Variants in TBXAS1 observed in about 807,000 individuals in gnomAD.
TBXAS1 encodes thromboxane-A synthase.
A neutral mutation model predicts 60.7 loss-of-function variants in TBXAS1; 48 were observed. That is an observed-to-expected ratio of 0.79 (90% CI 0.63 to 1.01). The LOEUF (loss-of-function observed/expected upper bound fraction) is 1.01, where lower values mean the gene tolerates loss of function less well. Among genes scored for constraint, TBXAS1 ranks in the 50% least tolerant of loss-of-function variants. The probability of loss-of-function intolerance (pLI) is 0.00; values close to 1 mark genes in which losing one functional copy is unlikely to be tolerated. For missense variants in TBXAS1, 685 were observed against 686.3 expected (o/e 1.00, Z 0.02); for synonymous variants, 287 against 269.7 (o/e 1.06, Z -0.63).
upstream of TBXAS1, among the ~76,000 whole-genome samples, chr7:139,824,841 T>A (rs1288331480): frequency 6.8e-6 from 1 of 147,616 alleles, no homozygotes; most frequent in Non-Finnish European, 1.5e-5. Flanking sequence ...TTTTTTTTTT[T>A]TTTTTTGAGA....
chr7:139,910,071 A>G (rs923328982), intron 3 of TBXAS1, among the ~76,000 whole-genome samples: 1 of 152,112 alleles, frequency 6.6e-6, no homozygotes, highest in Non-Finnish European at 1.5e-5. Flanking sequence ...GGAAGCCTTC[A>G]GTCTCTTTTC....
intron 3 of TBXAS1, among the ~76,000 whole-genome samples, chr7:139,892,604 AAAC>A (rs765241109): frequency 3.3e-5 from 5 of 152,030 alleles, no homozygotes; most frequent in Non-Finnish European, 5.9e-5. Flanking sequence ...GAAACAAAAC[AAAC>A]AACAACAACA....
chr7:140,012,534 C>T (rs1025182996), intron 10 of TBXAS1, among the ~76,000 whole-genome samples: 2 of 151,752 alleles, frequency 1.3e-5, no homozygotes, highest in Non-Finnish European at 2.9e-5. Flanking sequence ...TCTCAGCTCA[C>T]TGCAACCTCC....
chr7:139,937,729 T>C (rs1807906699), intron 5 of TBXAS1, among the ~76,000 whole-genome samples: 1 of 152,214 alleles, frequency 6.6e-6, no homozygotes. Flanking sequence ...AGTAGCGTGC[T>C]CCAAGTCTCA....
At chr7:139,807,711 T>C (rs1331843239) in intron 4 of TBXAS1, among the ~76,000 whole-genome samples, 6 of 151,776 alleles carry the variant, frequency 4.0e-5, no homozygotes, top group African/African-American at 1.5e-4. Flanking sequence ...AAAGACAGGG[T>C]CTTGTTGTGT....
chr7:139,952,014 A>AAAGAAAGAAAGAAAC (rs1569518460), intron 5 of TBXAS1, among the ~76,000 whole-genome samples: 1 of 40,080 alleles, frequency 2.5e-5, no homozygotes, highest in East Asian at 5.4e-4. Context: ...AAGAAAGAAA[A>AAAGAAAGAAAGAAAC]AGAAAGGAAG....
intron 5 of TBXAS1, among the ~76,000 whole-genome samples, chr7:139,947,753 C>T (rs892722788): frequency 5.9e-5 from 9 of 152,034 alleles, no homozygotes; most frequent in African/African-American, 1.9e-4. Context: ...ATGTGAGAGG[C>T]GAGAGGAACA....
chr7:139,867,343 C>T (rs1801495224), intron 1 of TBXAS1, among the ~76,000 whole-genome samples: 1 of 152,146 alleles, frequency 6.6e-6, no homozygotes. Context: ...CCGGCTGGAC[C>T]CTTCTCCTGC....
intron 3 of TBXAS1, among the ~76,000 whole-genome samples, chr7:139,879,516 G>A (rs1214854084): frequency 6.6e-6 from 1 of 151,826 alleles, no homozygotes; most frequent in Non-Finnish European, 1.5e-5. Context: ...GCCCCAAGTT[G>A]GATTTATATT....
In TBXAS1 at chr7:139,807,249, C is replaced by G. The variant is rs115445941; in HGVS notation, c.-80+19823C>G. 3.3e-3 allele frequency among the ~76,000 whole-genome samples: 509 copies of G among 152,314 alleles called. 4 individuals are homozygous for G. Among genetic ancestry groups the G allele is most frequent in the African/African-American group, 0.012 (483 of 41,580 alleles). On this transcript the variant is annotated intron_variant, in intron 4 of 16. Transcript: ENST00000336425. Reference sequence around the variant, plus strand: ...GGATTCTGTTTCCTGCTCTGCCACCCAGGCTGGAGTGCAGTGGCACGATCA... The same window carrying G: ...GGATTCTGTTTCCTGCTCTGCCACCGAGGCTGGAGTGCAGTGGCACGATCA...
At chr7:139,980,270 A>G (rs1811870720) in intron 9 of TBXAS1, among the ~76,000 whole-genome samples, 1 of 152,130 alleles carries the variant, frequency 6.6e-6, no homozygotes, top group Admixed American at 6.5e-5. Flanking sequence ...AAGGGATGAA[A>G]CATCACCCCT....
At chr7:139,913,424 A>T in intron 4 of TBXAS1, 1 of 430,838 alleles carries the variant, frequency 2.3e-6, no homozygotes, top group East Asian at 3.9e-5. Context: ...TACTCCCAGG[A>T]GCCTGTCATA....
chr7:140,011,557 G>T (rs1261395526), intron 10 of TBXAS1, among the ~76,000 whole-genome samples: 1 of 152,110 alleles, frequency 6.6e-6, no homozygotes, highest in Non-Finnish European at 1.5e-5. Flanking sequence ...AGAAGCTATC[G>T]GTAGAGACAT....
chr7:139,791,550 A>G (rs1797381178), intron 4 of TBXAS1, among the ~76,000 whole-genome samples: 1 of 152,220 alleles, frequency 6.6e-6, no homozygotes, highest in African/African-American at 2.4e-5. Flanking sequence ...TCTGAGTTAT[A>G]CCCATTGGCC....
chr7:139,920,589 G>A (rs2284205), intron 4 of TBXAS1, among the ~76,000 whole-genome samples: 38,480 of 152,134 alleles, frequency 0.25, 6,540 homozygotes, highest in African/African-American at 0.49. Flanking sequence ...GCAGCCTAAC[G>A]TGAGCCTGTG....
At chr7:139,951,179 T>C (rs998217352) in intron 5 of TBXAS1, among the ~76,000 whole-genome samples, 1 of 152,122 alleles carries the variant, frequency 6.6e-6, no homozygotes, top group Non-Finnish European at 1.5e-5. Context: ...GAAATAGCAA[T>C]TGTACCTGGT....
At chr7:139,895,602 G>A (rs1569509842) in intron 3 of TBXAS1, among the ~76,000 whole-genome samples, 1 of 152,246 alleles carries the variant, frequency 6.6e-6, no homozygotes, top group Non-Finnish European at 1.5e-5. Context: ...ACAGCTGGAG[G>A]CTCCCTGCTG....
At chr7:139,981,625 C>G (rs988393122) in intron 9 of TBXAS1, among the ~76,000 whole-genome samples, 12 of 152,238 alleles carry the variant, frequency 7.9e-5, no homozygotes, top group African/African-American at 2.7e-4. Flanking sequence ...CAACCTCTAG[C>G]TGAAAGGCAG....
rs1018650362 is a variant in TBXAS1 at position 139,829,323 on chromosome 7, C to T, written c.-68C>T. On this transcript the variant is annotated 5_prime_UTR_variant, in exon 1 of 13. Coordinates refer to ENST00000448866, the MANE Select transcript of TBXAS1 (RefSeq NM_001061.7). ...TTTTCTACCTGCAGAGCACGGTTCC[C>T]ATAAGGGCGGCGAGATCAGCCTCCT... is the stretch of plus-strand genomic sequence containing the variant. The T allele has an allele frequency of 2.0e-6, 3 of 1,479,084 alleles. No homozygotes were observed. The highest frequency in any genetic ancestry group is 2.8e-5 in the African/African-American group (2 of 72,504). 91.6% of individuals were successfully genotyped at this position (1,479,084 alleles called of 1,614,324 possible). A position where few individuals can be genotyped will look rare whatever the true frequency, so the allele number is the denominator to read the frequency against.
Sources: allele counts gnomAD v4.1 joint callset (sites outside exome capture counted in the v4.1 genomes callset), GRCh38; gene constraint gnomAD v4.1.1; transcripts MANE v1.5; gene names NCBI Gene and HGNC (gene_info 2026-07-23, HGNC 2026-07-21).